The following FLVCR2 variants were observed in gnomAD, a reference collection of about 807,000 sequenced individuals.
FLVCR2 encodes choline/ethanolamine transporter FLVCR2.
Under a neutral mutation model 48.9 loss-of-function variants are expected in FLVCR2, and 38 were observed. The observed-to-expected ratio is 0.78, with a 90% CI of 0.60 to 1.02. The LOEUF (loss-of-function observed/expected upper bound fraction) is 1.02. FLVCR2 is among the 50% of genes least tolerant of loss of function. FLVCR2 has a pLI of 0.00. For synonymous variants in FLVCR2, 255 were observed against 257.0 expected (o/e 0.99, Z 0.07); for missense variants, 664 against 663.3 (o/e 1.00, Z -0.01).
chr14:75,646,293 C>T lies in FLVCR2; in HGVS notation c.1510-108C>T, dbSNP rs1263878684. 6.5e-6 allele frequency: 5 copies of T among 764,654 alleles called. No individual in the cohort carries two copies. The East Asian group carries it at 1.3e-4, about 20-fold the overall frequency. The allele number at this position is 764,654 out of a possible 1,614,324, so 47.4% of individuals were successfully genotyped here. A position where few individuals can be genotyped will look rare whatever the true frequency, so the allele number is the denominator to read the frequency against. ...TGGCTCTCTGGGATGCTGAGTGGCC[C>T]CCGGCTCTTGTATTCCCCACTGATT... On this transcript the variant is annotated intron_variant, in intron 9 of 9. Transcript: ENST00000238667.
intron 1 of FLVCR2, among the ~76,000 whole-genome samples, chr14:75,582,853 C>G (rs1267911424): frequency 6.6e-6 from 1 of 152,064 alleles, no homozygotes; most frequent in African/African-American, 2.4e-5. Context: ...GGCGGAAGTA[C>G]CTAACCATGC....
At chr14:75,589,427 G>A (rs951511880) in intron 1 of FLVCR2, among the ~76,000 whole-genome samples, 2 of 152,190 alleles carry the variant, frequency 1.3e-5, no homozygotes, top group Non-Finnish European at 2.9e-5. Context: ...TCAAAGAAGG[G>A]CACACTGGGG....
intron 1 of FLVCR2, among the ~76,000 whole-genome samples, chr14:75,611,778 C>T (rs1284671603): frequency 6.6e-6 from 1 of 152,010 alleles, no homozygotes; most frequent in Non-Finnish European, 1.5e-5. Flanking sequence ...ACAAACAAAA[C>T]CCAAACCAGA....
intron 1 of FLVCR2, among the ~76,000 whole-genome samples, chr14:75,598,392 G>A (rs1472432070): frequency 6.6e-6 from 1 of 152,188 alleles, no homozygotes; most frequent in Non-Finnish European, 1.5e-5. Context: ...CCAGTGCACT[G>A]GAAGAAGCTC....
chr14:75,647,517 T>A lies in FLVCR2; in HGVS notation c.*1045T>A, dbSNP rs900676333. Reference sequence around the variant, plus strand: ...CCCTTGAAATGGGAATTGAGCCTGTTAGAATTAAAAGCTTATCTCACCTCT... The same window carrying A: ...CCCTTGAAATGGGAATTGAGCCTGTAAGAATTAAAAGCTTATCTCACCTCT... On this transcript the variant is annotated 3_prime_UTR_variant, in exon 10 of 10. Coordinates refer to ENST00000238667, the MANE Select transcript of FLVCR2 (RefSeq NM_017791.3). 1.3e-5 allele frequency: 2 copies of A among 152,660 alleles called. No homozygotes were observed. Among genetic ancestry groups the A allele is most frequent in the African/African-American group, 4.8e-5 (2 of 41,452 alleles). 9.5% of individuals were successfully genotyped at this position (152,660 alleles called of 1,614,324 possible). A position where few individuals can be genotyped will look rare whatever the true frequency, so the allele number is the denominator to read the frequency against.
intron 9 of FLVCR2, among the ~76,000 whole-genome samples, chr14:75,643,748 T>C (rs1474175039): frequency 6.6e-6 from 1 of 152,140 alleles, no homozygotes; most frequent in Non-Finnish European, 1.5e-5. Flanking sequence ...ACTGTGGAGA[T>C]GGATTTTTCA....
chr14:75,605,843 G>A, intron 1 of FLVCR2: 1 of 556,710 alleles, frequency 1.8e-6, no homozygotes, highest in East Asian at 3.0e-5. Context: ...TTGGGAGCTG[G>A]TTTTCTCCTT....
chr14:75,631,963 A>T (rs1053477754), intron 3 of FLVCR2: 2 of 417,834 alleles, frequency 4.8e-6, no homozygotes, highest in Middle Eastern at 5.9e-4. Flanking sequence ...ACTGTGGCTC[A>T]CTGTGCTGCT....
intron 6 of FLVCR2, 80 bp downstream of exon 6, chr14:75,639,542 T>C: frequency 1.0e-6 from 1 of 971,274 alleles, no homozygotes; most frequent in Admixed American, 1.9e-5. Context: ...GAATGCAATA[T>C]TGATGCCTTT....
At chr14:75,610,033 C>T (rs749716546) in intron 1 of FLVCR2, among the ~76,000 whole-genome samples, 2 of 152,110 alleles carry the variant, frequency 1.3e-5, no homozygotes, top group African/African-American at 2.4e-5. Flanking sequence ...CTTTGCACAT[C>T]GCCTACTTCA....
In FLVCR2 at chr14:75,622,063, T is replaced by C. The variant is rs138607563; in HGVS notation, c.670-16T>C. On this transcript the variant is annotated splice_polypyrimidine_tract_variant and intron_variant, in intron 1 of 9. Coordinates refer to ENST00000238667, the MANE Select transcript of FLVCR2 (RefSeq NM_017791.3). ...GCCATTGGTAACTGTGATTGGGTTG[T>C]CTCTGTCTTCTATAGCTTGGAATTG... 1 of 1,614,152 alleles carries C rather than the reference T, an allele frequency of 6.2e-7. No individual in the cohort carries two copies. Among genetic ancestry groups the C allele is most frequent in the Non-Finnish European group, 8.5e-7 (1 of 1,179,966 alleles).
chr14:75,605,585 C>T (rs1465167515), intron 1 of FLVCR2: 2 of 1,535,986 alleles, frequency 1.3e-6, no homozygotes, highest in African/African-American at 1.4e-5. Flanking sequence ...GCGCAGATAA[C>T]AGCAGCACCA....
chr14:75,640,877 C>T, intron 6 of FLVCR2, 78 bp from the exon 7 acceptor site: 1 of 976,612 alleles, frequency 1.0e-6, no homozygotes, highest in South Asian at 1.3e-5. Context: ...AAAGGGAGTC[C>T]TAGGGGAGGA....
chr14:75,629,274 A>G (rs944501393), intron 3 of FLVCR2, among the ~76,000 whole-genome samples: 1 of 152,252 alleles, frequency 6.6e-6, no homozygotes, highest in African/African-American at 2.4e-5. Context: ...GCATATTTAT[A>G]CTAAGAACTA....
At chr14:75,635,362 C>A (rs558461640) in intron 5 of FLVCR2, among the ~76,000 whole-genome samples, 9 of 151,996 alleles carry the variant, frequency 5.9e-5, no homozygotes, top group Non-Finnish European at 1.3e-4. Flanking sequence ...TTGTGGAAAC[C>A]CCAAAGAGTG....
intron 1 of FLVCR2, among the ~76,000 whole-genome samples, chr14:75,621,012 C>T (rs187639323): frequency 4.6e-5 from 7 of 152,206 alleles, no homozygotes; most frequent in East Asian, 1.9e-4. Context: ...TTCCCATTTC[C>T]GCCTCAATAT....
chr14:75,615,656 A>C (rs898863505), intron 1 of FLVCR2, among the ~76,000 whole-genome samples: 2 of 152,084 alleles, frequency 1.3e-5, no homozygotes, highest in Non-Finnish European at 2.9e-5. Context: ...GCCCTTAAGC[A>C]CTATATTAGT....
chr14:75,626,055 G>A (rs377384997), intron 3 of FLVCR2, among the ~76,000 whole-genome samples: 12 of 151,022 alleles, frequency 7.9e-5, no homozygotes, highest in African/African-American at 2.7e-4. Context: ...GCAGTGGTGC[G>A]ATCTGGGCTT....
chr14:75,622,121 C>G lies in FLVCR2; in HGVS notation c.712C>G (p.Pro238Ala). 6.2e-7 allele frequency: 1 copy of G among 1,614,102 alleles called. No individual in the cohort carries two copies. Among genetic ancestry groups the G allele is most frequent in the Non-Finnish European group, 8.5e-7 (1 of 1,180,010 alleles). The change falls in exon 2 of 10, where the codon CCC becomes GCC. Residue 238 changes from proline (P) to alanine (A), a missense_variant. Pro to Ala is a conservative substitution (Grantham distance 27). Transcript: ENST00000238667. ...GTTCTTGGTCCCTCCTGTTTTGGTA[C>G]CCAACATTGAAGACCGGGACGAGCT... Reference protein sequence around the residue: ...IGFLVPPVLVPNIEDRDELAY... With the variant: ...IGFLVPPVLVANIEDRDELAY...
Sources: allele counts gnomAD v4.1 joint callset (sites outside exome capture counted in the v4.1 genomes callset), GRCh38; gene constraint gnomAD v4.1.1; transcripts MANE v1.5; gene names NCBI Gene and HGNC (gene_info 2026-07-23, HGNC 2026-07-21).